Variants in MYO16 observed in about 807,000 individuals in gnomAD.
MYO16 encodes unconventional myosin-XVI.
Under a neutral mutation model 205.3 loss-of-function variants are expected in MYO16, and 94 were observed. The ratio of observed to expected loss-of-function variants is 0.46; its 90% CI spans 0.39 to 0.54. The LOEUF (loss-of-function observed/expected upper bound fraction) is 0.54. MYO16 is among the 20% of genes least tolerant of loss of function. The pLI is 0.00. For synonymous variants in MYO16, 988 were observed against 954.0 expected, an observed-to-expected ratio of 1.04 and a Z score of -0.66; for missense variants, 2,315 against 2,387.5, an observed-to-expected ratio of 0.97 and a Z score of 0.63.
Position 109,086,452 on chromosome 13 carries a change from A to G in MYO16, c.3336-14333A>G, listed in dbSNP as rs373151679. Among the ~76,000 whole-genome samples, 33 of 152,356 alleles carry G rather than the reference A, an allele frequency of 2.2e-4. No homozygotes were observed. In the South Asian group the frequency reaches 6.8e-3, roughly 32 times the overall value. ...AAAGGCATGTGATATATTAGTGGAT[A>G]TTAAGAGATGAACCATCTTATACAA... On this transcript the variant is annotated intron_variant, in intron 27 of 34. Coordinates refer to ENST00000457511, the MANE Select transcript of MYO16 (RefSeq NM_001198950.3).
intron 1 of MYO16, among the ~76,000 whole-genome samples, chr13:108,638,702 A>G (rs895347612): frequency 1.3e-5 from 2 of 152,138 alleles, no homozygotes; most frequent in Admixed American, 1.3e-4. Flanking sequence ...TCTGCTATGC[A>G]CTCAGTTTAT....
At chr13:108,564,870 G>A in the MYO16 span, among the ~76,000 whole-genome samples, 10 of 152,238 alleles carry the variant, frequency 6.6e-5, no homozygotes, top group African/African-American at 2.4e-4. Flanking sequence ...TCATTCGTAT[G>A]GATATCCAGT....
At chr13:109,165,819 CTGCCTTCTCAAA>C (rs1286228008) in intron 33 of MYO16, among the ~76,000 whole-genome samples, 4 of 152,180 alleles carry the variant, frequency 2.6e-5, no homozygotes, top group Admixed American at 6.5e-5. Context: ...GTGCTTCTGA[CTGCCTTCTCAAA>C]TTACAGGGCA....
chr13:108,675,570 A>G (rs77260645), intron 2 of MYO16, among the ~76,000 whole-genome samples: 2,696 of 152,240 alleles, frequency 0.018, 46 homozygotes, highest in Non-Finnish European at 0.03. Context: ...AAAAAAGAGG[A>G]AAAAAATATA....
intron 9 of MYO16, among the ~76,000 whole-genome samples, chr13:108,834,211 A>C (rs1263686512): frequency 6.6e-6 from 1 of 152,138 alleles, no homozygotes; most frequent in Non-Finnish European, 1.5e-5. Context: ...GGGGTGAGCT[A>C]GGGGGAAAGT....
chr13:108,746,180 G>A (rs553744632), intron 4 of MYO16, among the ~76,000 whole-genome samples: 3 of 151,970 alleles, frequency 2.0e-5, no homozygotes, highest in East Asian at 3.9e-4. Flanking sequence ...GCTACGGAGC[G>A]AGACTCCATC....
intron 32 of MYO16, among the ~76,000 whole-genome samples, chr13:109,146,284 A>G (rs959382765): frequency 6.6e-6 from 1 of 152,210 alleles, no homozygotes; most frequent in Non-Finnish European, 1.5e-5. Flanking sequence ...AGTATTTTAT[A>G]AACAATTTTT....
At chr13:108,923,198 T>TG (rs1193589489) in intron 16 of MYO16, among the ~76,000 whole-genome samples, 2 of 152,184 alleles carry the variant, frequency 1.3e-5, no homozygotes, top group African/African-American at 4.8e-5. Flanking sequence ...CCTGAAGACC[T>TG]GGGGGCTGCG....
intron 24 of MYO16, among the ~76,000 whole-genome samples, chr13:109,050,647 T>C (rs2139601790): frequency 6.6e-6 from 1 of 152,352 alleles, no homozygotes; most frequent in East Asian, 1.9e-4. Flanking sequence ...AATTTTGATT[T>C]TCTTACCCCA....
chr13:109,022,620 G>A (rs1441529191), intron 23 of MYO16, among the ~76,000 whole-genome samples: 4 of 126,336 alleles, frequency 3.2e-5, no homozygotes, highest in African/African-American at 1.2e-4. Flanking sequence ...ATAAACATAT[G>A]TATATATATT....
intron 28 of MYO16, among the ~76,000 whole-genome samples, chr13:109,119,754 A>T (rs560220014): frequency 1.3e-5 from 2 of 152,226 alleles, no homozygotes; most frequent in African/African-American, 4.8e-5. Context: ...CTGGAAAAGT[A>T]TGTTCATCCC....
chr13:108,502,706 A>C, the MYO16 span, among the ~76,000 whole-genome samples: 1 of 152,204 alleles, frequency 6.6e-6, no homozygotes, highest in South Asian at 2.1e-4. Context: ...AGTCTTATTC[A>C]AGCTTACTAA....
intron 29 of MYO16, among the ~76,000 whole-genome samples, chr13:109,122,279 T>G (rs1263789150): frequency 6.6e-6 from 1 of 152,250 alleles, no homozygotes; most frequent in Non-Finnish European, 1.5e-5. Context: ...TAGAAATTTC[T>G]GTTCTATTTA....
rs111261013 is a variant in MYO16 at position 108,915,457 on chromosome 13, C to T, written c.1925+5307C>T. 4.3e-3 allele frequency among the ~76,000 whole-genome samples: 659 copies of T among 152,304 alleles called. 3 individuals are homozygous for T. The highest frequency in any genetic ancestry group is 0.041 in the Middle Eastern group (12 of 292). ...TTACCAAAAGTTTCTTTTTCACTTA[C>T]GGTTCTTCCTATATTGACTGCTTCC... On this transcript the variant is annotated intron_variant, in intron 16 of 34. Transcript: ENST00000457511.
At chr13:108,829,902 C>A (rs1876505250) in intron 9 of MYO16, among the ~76,000 whole-genome samples, 1 of 150,996 alleles carries the variant, frequency 6.6e-6, no homozygotes, top group Non-Finnish European at 1.5e-5. Context: ...TGAACTCAAA[C>A]AAATTTACAA....
At chr13:108,988,924 C>T (rs959065136) in intron 20 of MYO16, among the ~76,000 whole-genome samples, 3 of 152,072 alleles carry the variant, frequency 2.0e-5, no homozygotes, top group African/African-American at 4.8e-5. Flanking sequence ...TGAAGTTGTC[C>T]CTGCATCGGC....
At chr13:108,533,214 G>A in the MYO16 span, among the ~76,000 whole-genome samples, 1 of 152,114 alleles carries the variant, frequency 6.6e-6, no homozygotes, top group East Asian at 1.9e-4. Flanking sequence ...CAAGGATTTG[G>A]CCTCATCCAA....
chr13:108,723,433 C>A (rs1277068317), intron 3 of MYO16, among the ~76,000 whole-genome samples: 1 of 151,870 alleles, frequency 6.6e-6, no homozygotes, highest in African/African-American at 2.4e-5. Flanking sequence ...CTGTTATGTT[C>A]TTTTTAGAAC....
intron 11 of MYO16, among the ~76,000 whole-genome samples, chr13:108,857,830 A>C (rs1878261708): frequency 6.6e-6 from 1 of 152,172 alleles, no homozygotes; most frequent in Non-Finnish European, 1.5e-5. Flanking sequence ...ATCTTCTTAA[A>C]TAATTTTTTT....
Sources: allele counts gnomAD v4.1 joint callset (sites outside exome capture counted in the v4.1 genomes callset), GRCh38; gene constraint gnomAD v4.1.1; transcripts MANE v1.5; gene names NCBI Gene and HGNC (gene_info 2026-07-23, HGNC 2026-07-21).